Variants in CLEC16A observed in about 807,000 individuals in gnomAD.
CLEC16A encodes C-type lectin domain containing 16A.
CLEC16A carries 51 observed loss-of-function variants against 109.5 expected under a neutral mutation model. That is an observed-to-expected ratio of 0.47 (90% CI 0.37 to 0.59). CLEC16A has a LOEUF of 0.59. CLEC16A is among the 20% of genes least tolerant of loss of function. The pLI, the probability that CLEC16A is intolerant of heterozygous loss-of-function variation, is 0.00. For missense variants in CLEC16A, 1,339 were observed against 1,394.0 expected, an observed-to-expected ratio of 0.96 and a Z score of 0.63; for synonymous variants, 673 against 564.2, an observed-to-expected ratio of 1.19 and a Z score of -2.73.
rs1421874780 is a variant in CLEC16A at position 10,977,217 on chromosome 16, C to A, written c.729-8C>A. The A allele has an allele frequency of 6.2e-7, 1 of 1,612,256 alleles. No homozygotes were observed. Among genetic ancestry groups the A allele is most frequent in the Non-Finnish European group, 8.5e-7 (1 of 1,179,076 alleles). ...CCTCCAGGCTGAGGTGGTCATTTCT[C>A]CTGGCAGGCATCGGAATCGGGGTAA... On this transcript the variant is annotated splice_polypyrimidine_tract_variant and splice_region_variant and intron_variant, in intron 7 of 23. Coordinates refer to ENST00000409790, the MANE Select transcript of CLEC16A (RefSeq NM_015226.3).
chr16:11,013,676 G>A (rs377759972), intron 11 of CLEC16A, among the ~76,000 whole-genome samples: 11 of 152,114 alleles, frequency 7.2e-5, no homozygotes, highest in East Asian at 5.8e-4. Flanking sequence ...GGAGAATCCC[G>A]TTAGACTGGG....
At chr16:11,146,966 A>T (rs2054086881) in intron 22 of CLEC16A, among the ~76,000 whole-genome samples, 1 of 152,158 alleles carries the variant, frequency 6.6e-6, no homozygotes, top group South Asian at 2.1e-4. Flanking sequence ...GAACTGGCAG[A>T]TGCTGAGTTA....
chr16:11,068,649 G>A lies in CLEC16A; in HGVS notation c.2116+7627G>A, dbSNP rs141547370. 7.0e-3 allele frequency among the ~76,000 whole-genome samples: 1,059 copies of A among 152,262 alleles called. 19 individuals are homozygous for A. The highest frequency in any genetic ancestry group is 0.024 in the African/African-American group (1,007 of 41,548). On this transcript the variant is annotated intron_variant, in intron 19 of 23. Transcript: ENST00000409790. ...TCCATGCTGGTGGCAAAAACCACAG[G>A]CTCATCCCTGACTCCCCTCTTTCTC...
chr16:11,133,311 C>T (rs1232726358), intron 22 of CLEC16A, among the ~76,000 whole-genome samples: 1 of 151,556 alleles, frequency 6.6e-6, no homozygotes, highest in African/African-American at 2.4e-5. Flanking sequence ...TGCACTCTAG[C>T]CTGGGTGACA....
At chr16:11,150,129 TA>T (rs760098854) in intron 22 of CLEC16A, 4 of 152,252 alleles carry the variant, frequency 2.6e-5, no homozygotes, top group Non-Finnish European at 5.9e-5. Flanking sequence ...TGTTTGGTTT[TA>T]GCTGCTCACG....
intron 11 of CLEC16A, among the ~76,000 whole-genome samples, chr16:11,006,841 A>C (rs186616884): frequency 7.0e-4 from 107 of 152,236 alleles, no homozygotes; most frequent in East Asian, 2.5e-3. Context: ...CCCAGTCTAC[A>C]GAGGAATTTG....
intron 13 of CLEC16A, among the ~76,000 whole-genome samples, chr16:11,032,108 G>A (rs951393569): frequency 1.3e-5 from 2 of 152,218 alleles, no homozygotes; most frequent in African/African-American, 4.8e-5. Flanking sequence ...TCTGCCCGCA[G>A]GAGTGAGGAC....
chr16:11,065,235 T>C (rs1376065941), intron 19 of CLEC16A, among the ~76,000 whole-genome samples: 2 of 152,126 alleles, frequency 1.3e-5, no homozygotes, highest in African/African-American at 4.8e-5. Context: ...TTTCCAAATA[T>C]CATGAGCAAC....
chr16:11,082,937 T>A (rs2049809661), intron 19 of CLEC16A, among the ~76,000 whole-genome samples: 1 of 152,192 alleles, frequency 6.6e-6, no homozygotes, highest in Admixed American at 6.5e-5. Context: ...CATCTAAGTT[T>A]AAGGTTGCAG....
At chr16:10,970,154 G>T (rs1488329869) in intron 4 of CLEC16A, among the ~76,000 whole-genome samples, 1 of 152,192 alleles carries the variant, frequency 6.6e-6, no homozygotes, top group Non-Finnish European at 1.5e-5. Flanking sequence ...AACAGTATCA[G>T]CGAGGACCCA....
At chr16:11,125,509 C>A (rs1371569894) in intron 21 of CLEC16A, among the ~76,000 whole-genome samples, 1 of 152,186 alleles carries the variant, frequency 6.6e-6, no homozygotes, top group Non-Finnish European at 1.5e-5. Context: ...GATAAACACC[C>A]ACTCAGAGTT....
At chr16:11,131,721 C>A (rs2053218653) in intron 22 of CLEC16A, among the ~76,000 whole-genome samples, 1 of 152,208 alleles carries the variant, frequency 6.6e-6, no homozygotes, top group Non-Finnish European at 1.5e-5. Flanking sequence ...GCTGCTCTCT[C>A]CTTAAAACCC....
In CLEC16A at chr16:11,153,311, C is replaced by T. The variant is rs1049798079; in HGVS notation, c.2642-13077C>T. 5.9e-5 allele frequency among the ~76,000 whole-genome samples: 9 copies of T among 152,116 alleles called. No homozygotes were observed. In the South Asian group the frequency reaches 6.2e-4, roughly 11 times the overall value. On this transcript the variant is annotated intron_variant, in intron 22 of 23. Coordinates refer to ENST00000409790, the MANE Select transcript of CLEC16A (RefSeq NM_015226.3). ...TCCCCGTGCCAGCAGGACTCCTTCT[C>T]GTTTTCTGTTGCCTTTCTTGAAGGA...
Position 11,036,640 on chromosome 16 carries a change from C to G in CLEC16A, c.1538-3114C>G, listed in dbSNP as rs540151639. ...TCTCAGCCCACTGCAACCTCCGCCT[C>G]CTGGGTTCAAGCAATTCTCATTTCT... On this transcript the variant is annotated intron_variant, in intron 13 of 23. Coordinates refer to ENST00000409790, the MANE Select transcript of CLEC16A (RefSeq NM_015226.3). Among the ~76,000 whole-genome samples, 21 of 151,708 alleles carry G rather than the reference C, an allele frequency of 1.4e-4. No individual in the cohort carries two copies. The South Asian group carries it at 4.4e-3, about 32-fold the overall frequency.
intron 19 of CLEC16A, among the ~76,000 whole-genome samples, chr16:11,109,089 C>T (rs971708243): frequency 2.3e-4 from 26 of 111,944 alleles, no homozygotes; most frequent in South Asian, 6.3e-4. Context: ...CCAGCCTGGG[C>T]GACAGAGTGA....
chr16:11,045,053 C>A (rs1267849713), intron 16 of CLEC16A, among the ~76,000 whole-genome samples: 1 of 149,964 alleles, frequency 6.7e-6, no homozygotes, highest in African/African-American at 2.5e-5. Flanking sequence ...TAGACATTTA[C>A]TTCTGGGCCG....
chr16:11,000,202 T>C (rs2044587542), intron 10 of CLEC16A, among the ~76,000 whole-genome samples: 1 of 152,210 alleles, frequency 6.6e-6, no homozygotes, highest in Non-Finnish European at 1.5e-5. Flanking sequence ...TCTCCATGTT[T>C]TAGAACAGGA....
intron 5 of CLEC16A, 131 bp from the exon 6 acceptor site, chr16:10,972,423 T>G: frequency 1.3e-6 from 1 of 750,936 alleles, no homozygotes; most frequent in Non-Finnish European, 2.4e-6. Context: ...CTTATCTCTC[T>G]GTGCAGATGC....
At chr16:11,060,429 C>T (rs1378488789) in intron 18 of CLEC16A, among the ~76,000 whole-genome samples, 1 of 152,198 alleles carries the variant, frequency 6.6e-6, no homozygotes, top group Non-Finnish European at 1.5e-5. Flanking sequence ...GTAGGTAGTA[C>T]CTTGAAATGC....
Sources: gnomAD v4.1 joint callset for allele counts (sites outside exome capture counted in the v4.1 genomes callset) on GRCh38, gnomAD v4.1.1 for gene constraint, MANE v1.5 for transcripts, NCBI Gene and HGNC (gene_info 2026-07-23, HGNC 2026-07-21) for gene names.